Variants in CORO2B observed in about 807,000 individuals in gnomAD.
CORO2B encodes the protein coronin-2B.
Under a neutral mutation model 58.8 loss-of-function variants are expected in CORO2B, and 26 were observed. That is an observed-to-expected ratio of 0.44 (90% CI 0.32 to 0.61). The LOEUF (loss-of-function observed/expected upper bound fraction) is 0.61. Among genes scored for constraint, CORO2B ranks in the 20% least tolerant of loss-of-function variants. The pLI is 0.04. For synonymous variants in CORO2B, 242 were observed against 253.8 expected (o/e 0.95, Z 0.44); for missense variants, 460 against 645.1 (o/e 0.71, Z 3.11).
chr15:68,653,347 C>T (rs1018725778), intron 2 of CORO2B, among the ~76,000 whole-genome samples: 2 of 152,080 alleles, frequency 1.3e-5, no homozygotes, highest in Non-Finnish European at 2.9e-5. Context: ...TCTCTTGGAC[C>T]GAGAGCCCCC....
intron 3 of CORO2B, among the ~76,000 whole-genome samples, chr15:68,701,544 G>A (rs576786004): frequency 2.5e-4 from 33 of 133,340 alleles, no homozygotes; most frequent in African/African-American, 7.5e-4. Context: ...GGAGTGCAGT[G>A]GCGCGATCTC....
At chr15:68,684,444 G>A (rs1902894329) in intron 2 of CORO2B, among the ~76,000 whole-genome samples, 1 of 152,238 alleles carries the variant, frequency 6.6e-6, no homozygotes, top group Non-Finnish European at 1.5e-5. Flanking sequence ...ACAGCCAGAG[G>A]CCAGGGCAGA....
At chr15:68,633,466 G>T (rs937096652) in intron 1 of CORO2B, among the ~76,000 whole-genome samples, 8 of 150,986 alleles carry the variant, frequency 5.3e-5, no homozygotes, top group South Asian at 2.1e-4. Flanking sequence ...AGCTGGTGAG[G>T]CCCCTTGAAT....
chr15:68,520,446 G>A, the CORO2B span, among the ~76,000 whole-genome samples: 11 of 152,250 alleles, frequency 7.2e-5, no homozygotes, highest in Admixed American at 2.0e-4. Flanking sequence ...AAGCTATGGC[G>A]TTAAATACAT....
At chr15:68,701,190 A>G (rs1892634205) in intron 3 of CORO2B, among the ~76,000 whole-genome samples, 1 of 152,236 alleles carries the variant, frequency 6.6e-6, no homozygotes, top group Non-Finnish European at 1.5e-5. Context: ...GCAGCCACAG[A>G]GAAAGCAGCA....
chr15:68,558,714 T>C, the CORO2B span, among the ~76,000 whole-genome samples: 5 of 152,182 alleles, frequency 3.3e-5, no homozygotes, highest in Non-Finnish European at 1.5e-5. Flanking sequence ...GTCTGCGATA[T>C]AATAGGGGAG....
In CORO2B at chr15:68,710,182, C is replaced by G. The variant is rs563678842; in HGVS notation, c.334-550C>G. Among the ~76,000 whole-genome samples the G allele has an allele frequency of 2.2e-4, 33 of 152,334 alleles. 1 individual carries two copies. The highest frequency in any genetic ancestry group is 6.7e-4 in the African/African-American group (28 of 41,572). ...ATCCTTTCAGCTCAGGCCCCAACATCTGATCAGTCTCTGCCTTCAAGTCCA... is the reference window on the plus strand; with the variant it reads ...ATCCTTTCAGCTCAGGCCCCAACATGTGATCAGTCTCTGCCTTCAAGTCCA... On this transcript the variant is annotated intron_variant, in intron 3 of 11. Coordinates refer to ENST00000261861, the MANE Select transcript of CORO2B (RefSeq NM_006091.5). This position sits in a 1 kb window ranked among gnomAD's most constrained non-coding sequence, Gnocchi z 4.1.
chr15:68,570,799 G>GTTTT, the CORO2B span, among the ~76,000 whole-genome samples: 85 of 78,768 alleles, frequency 1.1e-3, 14 homozygotes, highest in Admixed American at 2.2e-3. Context: ...ACTACACGTA[G>GTTTT]TTTTTTTTTT....
Position 68,583,943 on chromosome 15 carries a change from C to T in CORO2B, c.15+4666C>T, listed in dbSNP as rs140516108. Reference sequence around the variant, plus strand: ...ACCCATTATGCCTCCTCTCCCTTCCCGGCCTTCTTCCAGATATCCAGCATT... The same window carrying T: ...ACCCATTATGCCTCCTCTCCCTTCCTGGCCTTCTTCCAGATATCCAGCATT... On this transcript the variant is annotated intron_variant, in intron 1 of 11. Coordinates refer to ENST00000261861, the MANE Select transcript of CORO2B (RefSeq NM_006091.5). 3.1e-3 allele frequency among the ~76,000 whole-genome samples: 477 copies of T among 152,360 alleles called. 3 individuals are homozygous for T. Among genetic ancestry groups the T allele is most frequent in the African/African-American group, 9.0e-3 (374 of 41,588 alleles).
intron 1 of CORO2B, among the ~76,000 whole-genome samples, chr15:68,601,870 G>T (rs534306444): frequency 6.6e-6 from 1 of 152,166 alleles, no homozygotes; most frequent in Non-Finnish European, 1.5e-5. Flanking sequence ...TCTCATAGCC[G>T]TGGAGCCTGG....
Position 68,695,265 on chromosome 15 carries a change from A to T in CORO2B, c.333+9A>T, listed in dbSNP as rs1473839339. ...GCTCGGAGGACACGTCGGTGAGCAG[A>T]GGGGTGCTCCCGGAGGAGGGTGGGC... On this transcript the variant is annotated intron_variant, in intron 3 of 11. Coordinates refer to ENST00000261861, the MANE Select transcript of CORO2B (RefSeq NM_006091.5). 2 of 1,605,708 alleles carry T rather than the reference A, an allele frequency of 1.2e-6. No homozygotes were observed. Among genetic ancestry groups the T allele is most frequent in the Admixed American group, 3.3e-5 (2 of 59,992 alleles).
chr15:68,683,017 G>A (rs1313977363), intron 2 of CORO2B, among the ~76,000 whole-genome samples: 4 of 152,158 alleles, frequency 2.6e-5, no homozygotes, highest in Non-Finnish European at 5.9e-5. Context: ...TTTTGGCAGC[G>A]GCCCATGCAC....
chr15:68,543,318 G>T, the CORO2B span, among the ~76,000 whole-genome samples: 1 of 152,154 alleles, frequency 6.6e-6, no homozygotes, highest in African/African-American at 2.4e-5. Flanking sequence ...ACAGTGGTTG[G>T]CTTCCTCCCT....
chr15:68,655,002 T>G (rs905724828), intron 2 of CORO2B, among the ~76,000 whole-genome samples: 3 of 152,136 alleles, frequency 2.0e-5, no homozygotes, highest in African/African-American at 7.2e-5. Context: ...CAGGGAGGCA[T>G]GACTGAGGTG....
chr15:68,665,710 A>G (rs1902171251), intron 2 of CORO2B, among the ~76,000 whole-genome samples: 1 of 152,026 alleles, frequency 6.6e-6, no homozygotes, highest in South Asian at 2.1e-4. Flanking sequence ...TGTATTATAT[A>G]TCCTTTTAAA....
At chr15:68,724,987 C>T (rs1031812632) in intron 11 of CORO2B, among the ~76,000 whole-genome samples, 3 of 152,138 alleles carry the variant, frequency 2.0e-5, no homozygotes, top group East Asian at 1.9e-4. Context: ...GTCATAGTTC[C>T]TCATCAGTAG....
chr15:68,531,374 GT>G, the CORO2B span, among the ~76,000 whole-genome samples: 1 of 151,898 alleles, frequency 6.6e-6, no homozygotes, highest in East Asian at 1.9e-4. Context: ...ATGTGTGCCT[GT>G]AATCCCAGCT....
intron 1 of CORO2B, among the ~76,000 whole-genome samples, chr15:68,588,695 G>T (rs1899627558): frequency 6.6e-6 from 1 of 152,148 alleles, no homozygotes; most frequent in African/African-American, 2.4e-5. Context: ...TGAGGCATTT[G>T]CAGCAAATCA....
At chr15:68,548,189 A>ATATATATGTG in the CORO2B span, among the ~76,000 whole-genome samples, 28 of 145,146 alleles carry the variant, frequency 1.9e-4, no homozygotes, top group African/African-American at 4.4e-4. Flanking sequence ...ATATATATAT[A>ATATATATGTG]TGTGTGTGTG....
Sources: gnomAD v4.1 joint callset for allele counts (sites outside exome capture counted in the v4.1 genomes callset) on GRCh38, gnomAD v4.1.1 for gene constraint, Gnocchi (gnomAD v3.1) non-coding constraint, MANE v1.5 for transcripts, NCBI Gene and HGNC (gene_info 2026-07-23, HGNC 2026-07-21) for gene names.